Variants in COL18A1 observed in about 807,000 individuals in gnomAD.
COL18A1 encodes the protein collagen alpha-1(XVIII) chain.
A neutral mutation model predicts 168.0 loss-of-function variants in COL18A1; 133 were observed. That is an observed-to-expected ratio of 0.79 (90% CI 0.69 to 0.91). The LOEUF (loss-of-function observed/expected upper bound fraction) is 0.91, where lower values mean the gene tolerates loss of function less well. COL18A1 is among the 40% of genes least tolerant of loss of function. COL18A1 has a pLI of 0.00. For synonymous variants in COL18A1, 949 were observed against 809.0 expected (o/e 1.17, Z -2.94); for missense variants, 2,126 against 1,925.4 (o/e 1.10, Z -1.95).
Position 45,512,217 on chromosome 21 carries a change from A to G in COL18A1, c.3839A>G (p.Asp1280Gly). The part of the protein sequence containing the change: ...WPQKSVWHGS[D>G]PNGRRLTESY... ...CAGAAGAGCGTGTGGCATGGCTCGGACCCCAACGGGCGCAGGCTGACCGAG... is the reference window on the plus strand; with the variant it reads ...CAGAAGAGCGTGTGGCATGGCTCGGGCCCCAACGGGCGCAGGCTGACCGAG... Residue 1280 changes from aspartate (D) to glycine (G), a missense_variant, in exon 42 of 42, where the codon GAC becomes GGC. Asp to Gly is a moderately conservative substitution (Grantham distance 94, BLOSUM62 -1). Coordinates refer to ENST00000651438, the MANE Select transcript of COL18A1 (RefSeq NM_001379500.1). 6.2e-7 allele frequency: 1 copy of G among 1,612,152 alleles called. No homozygotes were observed. The highest frequency in any genetic ancestry group is 8.5e-7 in the Non-Finnish European group (1 of 1,179,674).
At chr21:45,458,514 G>A (rs1023595447) in intron 2 of COL18A1, among the ~76,000 whole-genome samples, 13 of 152,084 alleles carry the variant, frequency 8.5e-5, no homozygotes, top group Admixed American at 2.0e-4. Context: ...CTCATCCTCC[G>A]TCCCTGGAAC....
chr21:45,418,944 T>C (rs1221525729), intron 2 of COL18A1, among the ~76,000 whole-genome samples: 4 of 152,144 alleles, frequency 2.6e-5, no homozygotes, highest in African/African-American at 9.7e-5. Flanking sequence ...AACCCCTCCA[T>C]GGGGCAGACA....
rs76694483 is a variant in COL18A1 at position 45,430,835 on chromosome 21, G to A, written c.106+25362G>A. On this transcript the variant is annotated intron_variant, in intron 2 of 41. Transcript: ENST00000651438. ...GGCTGCCCTGGGAAGCCGGGATCAC[G>A]AGGCTCTGCCGGCCGTGGTCACCCC... 3.9e-3 allele frequency among the ~76,000 whole-genome samples: 589 copies of A among 152,308 alleles called. 3 individuals are homozygous for A. The highest frequency in any genetic ancestry group is 0.013 in the African/African-American group (529 of 41,568).
In COL18A1 at chr21:45,468,357, C is replaced by T; in HGVS notation, c.222C>T (p.Ala74=). 1 of 1,613,794 alleles carries T rather than the reference C, an allele frequency of 6.2e-7. No individual in the cohort carries two copies. Among genetic ancestry groups the T allele is most frequent in the Non-Finnish European group, 8.5e-7 (1 of 1,180,042 alleles). ...TGGCCTACGTCTTTGGGCCAGATGC[C>T]AACAGTGGCCAAGTGGCCCGGTACC... ...VGLAYVFGPD[A]NSGQVARYHF... The change falls in exon 3 of 42, where the codon GCC becomes GCT. Residue 74 remains alanine, a synonymous_variant. Coordinates refer to ENST00000651438, the MANE Select transcript of COL18A1 (RefSeq NM_001379500.1).
rs1368796646 is a variant in COL18A1 at position 45,476,452 on chromosome 21, G to A, written c.900G>A (p.Glu300=). ...STEDSRSEEV[E]EQTTVASLGA... The stretch of plus-strand genomic sequence containing the variant: ...AAGATTCCAGAAGTGAAGAAGTCGA[G>A]GAGCAGACCACGGTGGCTTCGTTAG... The change falls in exon 6 of 42, where the codon GAG becomes GAA. Residue 300 remains glutamate, a synonymous_variant. Transcript: ENST00000651438. 1 of 1,613,300 alleles carries A rather than the reference G, an allele frequency of 6.2e-7. No individual in the cohort carries two copies. Among genetic ancestry groups the A allele is most frequent in the African/African-American group, 1.3e-5 (1 of 74,910 alleles).
chr21:45,440,729 C>T (rs1319792710), intron 2 of COL18A1, among the ~76,000 whole-genome samples: 1 of 152,182 alleles, frequency 6.6e-6, no homozygotes, highest in Non-Finnish European at 1.5e-5. Context: ...CAGTCAGGGC[C>T]TGCGGGGGTT....
chr21:45,407,144 C>T (rs942239695), intron 2 of COL18A1, among the ~76,000 whole-genome samples: 1 of 152,262 alleles, frequency 6.6e-6, no homozygotes, highest in African/African-American at 2.4e-5. Flanking sequence ...GGTTCCAGTC[C>T]TTGCAGGACC....
chr21:45,444,653 G>C (rs534911663), intron 2 of COL18A1, among the ~76,000 whole-genome samples: 2 of 152,220 alleles, frequency 1.3e-5, no homozygotes, highest in South Asian at 4.2e-4. Context: ...AGGCTCCGGG[G>C]AGTGGAGGCT....
intron 2 of COL18A1, among the ~76,000 whole-genome samples, chr21:45,441,332 G>A (rs2034364757): frequency 6.6e-6 from 1 of 152,200 alleles, no homozygotes; most frequent in South Asian, 2.1e-4. Flanking sequence ...AAGCAATGGG[G>A]CAAGACGCTG....
chr21:45,507,711 C>T (rs2146103859), intron 38 of COL18A1, 118 bp downstream of exon 38: 1 of 957,494 alleles, frequency 1.0e-6, no homozygotes. Flanking sequence ...GAACATGTGG[C>T]TCACCATCAG....
chr21:45,493,746 G>A (rs1023414515), intron 26 of COL18A1, 171 bp downstream of exon 26: 44 of 614,884 alleles, frequency 7.2e-5, no homozygotes, highest in Middle Eastern at 4.3e-4. Flanking sequence ...CACCCATGTC[G>A]GCGGTTCCGC....
rs777932212 is a variant in COL18A1, at chr21:45,504,454, C to T, written c.2766C>T (p.Gly922=). Residue 922 remains glycine, a synonymous_variant, in exon 34 of 42, where the codon GGC becomes GGT. Transcript: ENST00000651438. ...KGDRGDAGQK[G]ERGEPGGGGF... The stretch of plus-strand genomic sequence containing the variant: ...ACCGAGGTGATGCAGGACAGAAAGG[C>T]GAAAGGGGGGAGCCCGGGGGCGGCG... 1.4e-5 allele frequency: 22 copies of T among 1,611,070 alleles called. No homozygotes were observed. Among genetic ancestry groups the T allele is most frequent in the Admixed American group, 8.3e-5 (5 of 59,928 alleles).
chr21:45,439,578 G>A (rs2034311191), intron 2 of COL18A1, among the ~76,000 whole-genome samples: 2 of 147,134 alleles, frequency 1.4e-5, no homozygotes, highest in African/African-American at 2.4e-5. Flanking sequence ...CCTGGCGGCC[G>A]GTCCCTGGCT....
intron 2 of COL18A1, among the ~76,000 whole-genome samples, chr21:45,427,100 C>T (rs998271942): frequency 1.3e-5 from 2 of 152,180 alleles, no homozygotes; most frequent in Non-Finnish European, 2.9e-5. Context: ...TTTAAAAAGC[C>T]GGGCTCTCTC....
chr21:45,481,027 G>A (rs1383195209), intron 13 of COL18A1, among the ~76,000 whole-genome samples, 169 bp downstream of exon 13: 1 of 152,224 alleles, frequency 6.6e-6, no homozygotes, highest in Non-Finnish European at 1.5e-5. Flanking sequence ...CCACCCTGGG[G>A]TGTGCGGAAG....
In COL18A1 at chr21:45,444,129, G is replaced by A. The variant is rs957361979; in HGVS notation, c.107-24113G>A. ...CATCCTGGCCTGGCGTGGTCGTCCC[G>A]TGGCGTCCTCTACCCTTTCCCATGT... On this transcript the variant is annotated intron_variant, in intron 2 of 41. Transcript: ENST00000651438. 1.1e-4 allele frequency among the ~76,000 whole-genome samples: 17 copies of A among 152,310 alleles called. 1 individual carries two copies. The South Asian group carries it at 2.5e-3, about 22-fold the overall frequency.
intron 2 of COL18A1, among the ~76,000 whole-genome samples, chr21:45,435,841 G>A (rs982280689): frequency 2.6e-5 from 4 of 152,300 alleles, no homozygotes; most frequent in African/African-American, 7.2e-5. Flanking sequence ...ATTCAGGATC[G>A]TGGGTCTGTC....
intron 8 of COL18A1, 78 bp downstream of exon 8, chr21:45,478,043 G>A (rs532774485): frequency 2.8e-4 from 232 of 826,850 alleles, no homozygotes; most frequent in South Asian, 2.5e-3. Flanking sequence ...GGCTGCGGCC[G>A]ACATGGGAGT....
Position 45,415,787 on chromosome 21 carries a change from G to A in COL18A1, c.106+10314G>A, listed in dbSNP as rs141626768. Among the ~76,000 whole-genome samples, 182 of 152,360 alleles carry A rather than the reference G, an allele frequency of 1.2e-3. 1 individual carries two copies. The highest frequency in any genetic ancestry group is 4.2e-3 in the African/African-American group (175 of 41,584). ...GCCATCCAGCCCAGTGCCTGGCGCT[G>A]CAGCCGGGTGGAGCCCCAGGTGGTG... is the stretch of plus-strand genomic sequence containing the variant. On this transcript the variant is annotated intron_variant, in intron 2 of 41. Coordinates refer to ENST00000651438, the MANE Select transcript of COL18A1 (RefSeq NM_001379500.1).
Sources: allele counts gnomAD v4.1 joint callset (sites outside exome capture counted in the v4.1 genomes callset), GRCh38; gene constraint gnomAD v4.1.1; transcripts MANE v1.5; gene names NCBI Gene and HGNC (gene_info 2026-07-23, HGNC 2026-07-21).